The following TXNRD2 variants were observed in gnomAD, a reference collection of about 807,000 sequenced individuals.
TXNRD2 encodes thioredoxin reductase 2, also known as thioredoxin reductase 2, mitochondrial.
Under a neutral mutation model 70.8 loss-of-function variants are expected in TXNRD2, and 67 were observed. That is an observed-to-expected ratio of 0.95 (90% CI 0.78 to 1.16). The LOEUF is 1.16. Among genes scored for constraint, TXNRD2 ranks in the 50% most tolerant of loss-of-function variants. The pLI, the probability that TXNRD2 is intolerant of heterozygous loss-of-function variation, is 0.00. For synonymous variants in TXNRD2, 301 were observed against 295.8 expected (o/e 1.02, Z -0.18); for missense variants, 644 against 719.9 (o/e 0.89, Z 1.21).
At chr22:19,912,365 G>A (rs1940451285) in intron 7 of TXNRD2, among the ~76,000 whole-genome samples, 1 of 152,254 alleles carries the variant, frequency 6.6e-6, no homozygotes, top group Non-Finnish European at 1.5e-5. Context: ...GGCGTGGCAG[G>A]GAGAGCGAAG....
rs199510610 is a variant in TXNRD2 at position 19,911,383 on chromosome 22, C to G, written c.656G>C (p.Gly219Ala). ...DDIFWLKESP[G>A]KTLVVGASYV... ...AAGCACGCGCAGGCCTTACGTTTTTCCAGGGGATTCCTTCAGCCAGAAGAT... is the reference window on the plus strand; with the variant it reads ...AAGCACGCGCAGGCCTTACGTTTTTGCAGGGGATTCCTTCAGCCAGAAGAT... Residue 219 changes from glycine to alanine, a missense_variant, in exon 8 of 18, where the codon GGA becomes GCA. Transcript: ENST00000400521. 332 of 1,613,864 alleles carry G rather than the reference C, an allele frequency of 2.1e-4. 3 individuals carry two copies. The highest frequency in any genetic ancestry group is 1.6e-3 in the Admixed American group (98 of 60,012).
intron 13 of TXNRD2, 38 bp from the exon 14 acceptor site, chr22:19,880,309 C>T: frequency 6.2e-7 from 1 of 1,602,840 alleles, no homozygotes; most frequent in South Asian, 1.1e-5. Flanking sequence ...GCCCTTGGGC[C>T]CCGAAAACCG....
chr22:19,920,971 G>C (rs1003282382), intron 2 of TXNRD2, among the ~76,000 whole-genome samples: 1 of 152,142 alleles, frequency 6.6e-6, no homozygotes, highest in African/African-American at 2.4e-5. Flanking sequence ...GTTGGGCGTG[G>C]TGGCAGGTGC....
intron 13 of TXNRD2, 91 bp from the exon 14 acceptor site, chr22:19,880,362 C>G (rs374730973): frequency 4.4e-6 from 6 of 1,355,626 alleles, no homozygotes; most frequent in Admixed American, 1.9e-5. Flanking sequence ...CGATCACAGA[C>G]CAGGACCAGA....
intron 2 of TXNRD2, among the ~76,000 whole-genome samples, chr22:19,927,758 T>C (rs897569707): frequency 6.6e-6 from 1 of 151,886 alleles, no homozygotes; most frequent in African/African-American, 2.4e-5. Context: ...GCTGACTCTG[T>C]ATCTGTGGGT....
Position 19,878,131 on chromosome 22 carries a change from G to A in TXNRD2, c.1404C>T (p.Pro468=), listed in dbSNP as rs1360495006. The A allele has an allele frequency of 6.2e-7, 1 of 1,613,466 alleles. No individual in the cohort carries two copies. The highest frequency in any genetic ancestry group is 1.1e-5 in the South Asian group (1 of 91,064). The change falls in exon 16 of 18, where the codon CCC becomes CCT. Residue 468 remains proline (P), a synonymous_variant. Coordinates refer to ENST00000400521, the MANE Select transcript of TXNRD2 (RefSeq NM_006440.5). ...ATCCTTGAGTAACTTCGCCTGCGTT[G>A]GGGCCAAGGAAATGCAGGCCCAGCA... ...QLVLGLHFLG[P]NAGEVTQGFA... is the part of the protein sequence containing the mutation.
intron 8 of TXNRD2, among the ~76,000 whole-genome samples, chr22:19,908,502 A>G (rs1394959647): frequency 6.6e-6 from 1 of 152,118 alleles, no homozygotes; most frequent in East Asian, 1.9e-4. Flanking sequence ...AACAACATGC[A>G]CTGGCGAGGA....
chr22:19,906,970 A>G (rs1940053087), intron 8 of TXNRD2, among the ~76,000 whole-genome samples: 3 of 96,014 alleles, frequency 3.1e-5, no homozygotes, highest in Non-Finnish European at 2.1e-5. Flanking sequence ...CTCTCAGGAG[A>G]GTGTGGGCAC....
chr22:19,883,713 G>C, intron 11 of TXNRD2: 1 of 488,032 alleles, frequency 2.0e-6, no homozygotes, highest in South Asian at 2.1e-5. Flanking sequence ...CAACACTTTG[G>C]GAGGCCGAGG....
At chr22:19,905,143 C>CGGACAAAAGCCGCATTTTCACAGAAGCA (rs1487535428) in intron 8 of TXNRD2, among the ~76,000 whole-genome samples, 23 of 152,124 alleles carry the variant, frequency 1.5e-4, no homozygotes, top group Admixed American at 1.5e-3. Context: ...TTAACAGCGC[C>CGGACAAAAGCCGCATTTTCACAGAAGCA]GGACAAAAGC....
intron 2 of TXNRD2, among the ~76,000 whole-genome samples, chr22:19,927,651 C>CAAAAAAAAAAAAAAAAA (rs149665821): frequency 1.6e-4 from 11 of 68,320 alleles, no homozygotes; most frequent in Non-Finnish European, 2.0e-4. Context: ...GACCTTGTCT[C>CAAAAAAAAAAAAAAAAA]AAAAAAAAAA....
At chr22:19,905,837 C>T (rs1380250883) in intron 8 of TXNRD2, among the ~76,000 whole-genome samples, 1 of 151,164 alleles carries the variant, frequency 6.6e-6, no homozygotes, top group South Asian at 2.1e-4. Context: ...TCCACCACAC[C>T]GCAGAAGAAG....
chr22:19,940,383 C>T (rs555296170), intron 1 of TXNRD2, among the ~76,000 whole-genome samples: 5 of 151,892 alleles, frequency 3.3e-5, no homozygotes, highest in Non-Finnish European at 7.4e-5. Context: ...TTATTTCTTA[C>T]TGGGAGGACC....
chr22:19,910,145 A>G (rs1448776307), intron 8 of TXNRD2, among the ~76,000 whole-genome samples: 1 of 152,138 alleles, frequency 6.6e-6, no homozygotes, highest in East Asian at 1.9e-4. Flanking sequence ...CCCTGCCAAC[A>G]TGAAGTCTCC....
chr22:19,897,932 T>G, intron 10 of TXNRD2, 107 bp downstream of exon 10: 2 of 835,932 alleles, frequency 2.4e-6, no homozygotes, highest in Non-Finnish European at 3.8e-6. Flanking sequence ...TCTCTAAAGA[T>G]TCAGGCATCA....
intron 8 of TXNRD2, among the ~76,000 whole-genome samples, chr22:19,901,844 G>C (rs56892289): frequency 0.031 from 4,661 of 152,270 alleles, 100 homozygotes; most frequent in South Asian, 0.088. Flanking sequence ...ACAGAAGTCA[G>C]GGGACCAGCT....
chr22:19,892,582 G>A (rs1163219416), intron 11 of TXNRD2, among the ~76,000 whole-genome samples: 1 of 152,274 alleles, frequency 6.6e-6, no homozygotes, highest in Non-Finnish European at 1.5e-5. Flanking sequence ...CTGCCAGGCT[G>A]ACGCCCCGGC....
intron 2 of TXNRD2, among the ~76,000 whole-genome samples, chr22:19,925,080 C>A (rs377533893): frequency 6.6e-6 from 1 of 150,916 alleles, no homozygotes; most frequent in Non-Finnish European, 1.5e-5. Flanking sequence ...GTCAGGAGAT[C>A]GAGACCATCC....
chr22:19,913,428 C>G (rs931854411), intron 7 of TXNRD2, among the ~76,000 whole-genome samples: 2 of 141,940 alleles, frequency 1.4e-5, no homozygotes, highest in Non-Finnish European at 3.1e-5. Context: ...CTTTCAAAGC[C>G]CCCCCACAAA....
Sources: gnomAD v4.1 joint callset for allele counts (sites outside exome capture counted in the v4.1 genomes callset) on GRCh38, gnomAD v4.1.1 for gene constraint, MANE v1.5 for transcripts, NCBI Gene and HGNC (gene_info 2026-07-23, HGNC 2026-07-21) for gene names.